Variants in FCHO2 observed in about 807,000 individuals in gnomAD.
FCHO2 encodes the protein FCH and mu domain containing endocytic adaptor 2.
FCHO2 carries 43 observed loss-of-function variants against 114.1 expected under a neutral mutation model. The ratio of observed to expected loss-of-function variants is 0.38; its 90% CI spans 0.30 to 0.49. FCHO2 has a LOEUF of 0.49. Among genes scored for constraint, FCHO2 ranks in the 20% least tolerant of loss-of-function variants. The probability of loss-of-function intolerance (pLI) is 0.97; values close to 1 mark genes in which losing one functional copy is unlikely to be tolerated. For synonymous variants in FCHO2, 293 were observed against 315.2 expected (o/e 0.93, Z 0.75); for missense variants, 807 against 950.4 (o/e 0.85, Z 1.98).
intron 2 of FCHO2, among the ~76,000 whole-genome samples, chr5:72,973,436 T>A (rs1208149002): frequency 6.6e-6 from 1 of 152,014 alleles, no homozygotes; most frequent in Admixed American, 6.6e-5. Context: ...CTTGGGAGAG[T>A]GTATGTGTTG....
intron 3 of FCHO2, among the ~76,000 whole-genome samples, chr5:72,989,710 AT>A (rs1561427140): frequency 6.6e-6 from 1 of 152,150 alleles, no homozygotes; most frequent in African/African-American, 2.4e-5. Flanking sequence ...AATGAAATTT[AT>A]TTTTTCCCTT....
At chr5:73,011,949 T>G (rs575494780) in intron 6 of FCHO2, among the ~76,000 whole-genome samples, 15 of 151,954 alleles carry the variant, frequency 9.9e-5, no homozygotes, top group Admixed American at 2.6e-4. Flanking sequence ...TAACAAAGCC[T>G]TCTAGAATAC....
At chr5:73,040,488 T>C (rs1296982066) in intron 10 of FCHO2, among the ~76,000 whole-genome samples, 1 of 152,238 alleles carries the variant, frequency 6.6e-6, no homozygotes, top group African/African-American at 2.4e-5. Flanking sequence ...GAATTTATTT[T>C]AGAGTGCATA....
In FCHO2 at chr5:73,089,672, T is replaced by C. The variant is rs1743424925; in HGVS notation, c.*1582T>C. The C allele has an allele frequency of 6.6e-6, 1 of 152,518 alleles. No homozygotes were observed. Among genetic ancestry groups the C allele is most frequent in the South Asian group, 2.1e-4 (1 of 4,828 alleles). 9.4% of individuals were successfully genotyped at this position (152,518 alleles called of 1,614,324 possible). A position where few individuals can be genotyped will look rare whatever the true frequency, so the allele number is the denominator to read the frequency against. ...GCCTAGTAGAAGTGATAAATTGTGTTATATATGATAATTTATATAAAACCA... is the reference window on the plus strand; with the variant it reads ...GCCTAGTAGAAGTGATAAATTGTGTCATATATGATAATTTATATAAAACCA... On this transcript the variant is annotated 3_prime_UTR_variant, in exon 26 of 26. Transcript: ENST00000430046.
At chr5:73,000,306 C>T (rs888146385) in intron 5 of FCHO2, among the ~76,000 whole-genome samples, 1 of 151,922 alleles carries the variant, frequency 6.6e-6, no homozygotes, top group Admixed American at 6.6e-5. Flanking sequence ...AACCCTGTCT[C>T]TACTAAAATA....
At chr5:72,963,325 T>G (rs1188212614) in intron 1 of FCHO2, among the ~76,000 whole-genome samples, 2 of 152,184 alleles carry the variant, frequency 1.3e-5, no homozygotes, top group Middle Eastern at 3.2e-3. Context: ...CCTTTTTAAT[T>G]AAAACCATTA....
At chr5:73,012,236 C>T (rs1020457776) in intron 6 of FCHO2, among the ~76,000 whole-genome samples, 1 of 152,060 alleles carries the variant, frequency 6.6e-6, no homozygotes, top group Non-Finnish European at 1.5e-5. Context: ...AGAAAGTTTT[C>T]ATATCTATTA....
intron 20 of FCHO2, among the ~76,000 whole-genome samples, 167 bp downstream of exon 20, chr5:73,075,020 A>C (rs1052473847): frequency 6.6e-6 from 1 of 152,086 alleles, no homozygotes; most frequent in Non-Finnish European, 1.5e-5. Flanking sequence ...TCATTTGATG[A>C]TTGCATTCAA....
Position 73,042,317 on chromosome 5 carries a change from T to A in FCHO2, c.939+1002T>A, listed in dbSNP as rs918401758. Among the ~76,000 whole-genome samples, 4 of 152,278 alleles carry A rather than the reference T, an allele frequency of 2.6e-5. No individual in the cohort carries two copies. In the East Asian group the frequency reaches 7.7e-4, roughly 29 times the overall value. On this transcript the variant is annotated intron_variant, in intron 11 of 25. Coordinates refer to ENST00000430046, the MANE Select transcript of FCHO2 (RefSeq NM_138782.3). ...TAACTAATTAATGAAAAGCAGCAGA[T>A]GTGTTTGGCATTAACTTTAGTACTC...
chr5:73,058,490 ATCTTCT>A lies in FCHO2; in HGVS notation c.1314_1319del (p.Ser441_Ser442del). 6.5e-7 allele frequency: 1 copy of A among 1,532,044 alleles called. No homozygotes were observed. The highest frequency in any genetic ancestry group is 1.7e-4 in the Middle Eastern group (1 of 5,828). The allele number at this position is 1,532,044 out of a possible 1,614,324, so 94.9% of individuals were successfully genotyped here. On this transcript the variant is annotated inframe_deletion, in exon 17 of 26. Coordinates refer to ENST00000430046, the MANE Select transcript of FCHO2 (RefSeq NM_138782.3). The stretch of plus-strand genomic sequence containing the variant: ...CCCTATTTGGACCATCTCTTGATTC[ATCTTCT>A]TCATCTTCACTAACTTCATCATCAT...
intron 5 of FCHO2, among the ~76,000 whole-genome samples, chr5:73,004,734 T>G (rs1055188937): frequency 6.6e-6 from 1 of 152,142 alleles, no homozygotes; most frequent in Non-Finnish European, 1.5e-5. Context: ...GATTTCACTT[T>G]CCTTGGTTTC....
intron 6 of FCHO2, among the ~76,000 whole-genome samples, chr5:73,011,510 G>T (rs763343057): frequency 6.6e-6 from 1 of 151,074 alleles, no homozygotes; most frequent in East Asian, 1.9e-4. Context: ...AGACACAAAC[G>T]CACACAGTAA....
intron 1 of FCHO2, among the ~76,000 whole-genome samples, chr5:72,964,363 A>C (rs1752060423): frequency 6.6e-6 from 1 of 152,098 alleles, no homozygotes; most frequent in South Asian, 2.1e-4. Context: ...AATCGTTCTG[A>C]CTGCCTATTC....
intron 13 of FCHO2, among the ~76,000 whole-genome samples, chr5:73,053,108 CTTAGGA>C (rs1757411195): frequency 6.6e-6 from 1 of 152,084 alleles, no homozygotes; most frequent in African/African-American, 2.4e-5. Context: ...AAAAGCAATT[CTTAGGA>C]TAAGTTAAGT....
Position 73,058,407 on chromosome 5 carries a change from T to A in FCHO2, c.1254-26T>A. On this transcript the variant is annotated intron_variant, in intron 16 of 25. Transcript: ENST00000430046. ...ACTAATAAAATATTCTCGTTAAAATTTTTGCTTTTAAAAATATTATGGTAG... is the reference window on the plus strand; with the variant it reads ...ACTAATAAAATATTCTCGTTAAAATATTTGCTTTTAAAAATATTATGGTAG... 3 of 1,486,264 alleles carry A rather than the reference T, an allele frequency of 2.0e-6. No individual in the cohort carries two copies. In the East Asian group the frequency reaches 7.4e-5, roughly 37 times the overall value. 92.1% of individuals were successfully genotyped at this position (1,486,264 alleles called of 1,614,324 possible).
intron 2 of FCHO2, among the ~76,000 whole-genome samples, chr5:72,978,104 T>G (rs1038176408): frequency 1.3e-5 from 2 of 152,230 alleles, no homozygotes; most frequent in Non-Finnish European, 2.9e-5. Flanking sequence ...TGTTTTTTGG[T>G]TCCATATGAA....
intron 5 of FCHO2, among the ~76,000 whole-genome samples, chr5:73,004,777 A>C (rs1386754595): frequency 6.6e-6 from 1 of 151,940 alleles, no homozygotes; most frequent in Non-Finnish European, 1.5e-5. Flanking sequence ...TAGAATATTT[A>C]GAGAGAGAGA....
chr5:72,965,158 T>G (rs1034698849), intron 1 of FCHO2, among the ~76,000 whole-genome samples: 6 of 152,134 alleles, frequency 3.9e-5, no homozygotes, highest in African/African-American at 1.2e-4. Flanking sequence ...GAGAAGAGGT[T>G]GTAACTTGTG....
At chr5:73,056,143 CT>C in intron 16 of FCHO2, 36 bp downstream of exon 16, 1 of 1,473,592 alleles carries the variant, frequency 6.8e-7, no homozygotes, top group Non-Finnish European at 9.1e-7. Context: ...AAAAAATAGA[CT>C]TTATTTTTTA....
Sources: gnomAD v4.1 joint callset for allele counts (sites outside exome capture counted in the v4.1 genomes callset) on GRCh38, gnomAD v4.1.1 for gene constraint, MANE v1.5 for transcripts, NCBI Gene and HGNC (gene_info 2026-07-23, HGNC 2026-07-21) for gene names.